NWD1: variants seen among roughly 807,000 people sequenced by gnomAD.
NWD1 encodes NACHT domain- and WD repeat-containing protein 1.
A neutral mutation model predicts 135.1 loss-of-function variants in NWD1; 129 were observed. The ratio of observed to expected loss-of-function variants is 0.96; its 90% CI spans 0.83 to 1.11. The LOEUF is 1.11. Ranked by LOEUF, NWD1 falls within the 50% of genes least tolerant of loss-of-function variation. The probability of loss-of-function intolerance (pLI) is 0.00; values close to 1 mark genes in which losing one functional copy is unlikely to be tolerated. For missense variants in NWD1, 1,740 were observed against 1,851.3 expected (o/e 0.94, Z 1.10); for synonymous variants, 773 against 786.0 (o/e 0.98, Z 0.28).
intron 2 of NWD1, among the ~76,000 whole-genome samples, chr19:16,729,444 C>T (rs1203878456): frequency 6.6e-6 from 1 of 152,004 alleles, no homozygotes; most frequent in African/African-American, 2.4e-5. Flanking sequence ...AGTGCAAACA[C>T]CCCGTCTTCA....
chr19:16,725,004 AT>A (rs1453675201), intron 2 of NWD1, among the ~76,000 whole-genome samples: 7 of 115,954 alleles, frequency 6.0e-5, no homozygotes, highest in African/African-American at 2.3e-4. Context: ...AAAAATTTTT[AT>A]TTATTTTTTA....
At chr19:16,751,800 C>G (rs187205813) in intron 6 of NWD1, among the ~76,000 whole-genome samples, 4 of 107,670 alleles carry the variant, frequency 3.7e-5, no homozygotes, top group African/African-American at 1.5e-4. Context: ...GACTCCATCT[C>G]AAAAAGAAAG....
chr19:16,778,500 T>C (rs796147074), intron 11 of NWD1, among the ~76,000 whole-genome samples: 2,770 of 140,586 alleles, frequency 0.02, 84 homozygotes, highest in African/African-American at 0.078. Flanking sequence ...TCTTCTTTTT[T>C]TTTTTTTTGT....
At chr19:16,754,099 A>T (rs1968686703) in intron 6 of NWD1, among the ~76,000 whole-genome samples, 1 of 147,494 alleles carries the variant, frequency 6.8e-6, no homozygotes. Context: ...TCTATCATCC[A>T]TCCATCTATT....
chr19:16,803,520 C>G (rs1041447264), intron 17 of NWD1, among the ~76,000 whole-genome samples: 1 of 151,998 alleles, frequency 6.6e-6, no homozygotes. Flanking sequence ...GGCCCAAGCT[C>G]CTGATACCAT....
At chr19:16,775,248 C>G (rs1969558130) in intron 11 of NWD1, among the ~76,000 whole-genome samples, 1 of 151,882 alleles carries the variant, frequency 6.6e-6, no homozygotes, top group East Asian at 1.9e-4. Context: ...AAGACTGAAG[C>G]TAGCTTAGTG....
intron 16 of NWD1, 143 bp downstream of exon 16, chr19:16,798,029 G>GGT: frequency 2.8e-6 from 2 of 718,662 alleles, no homozygotes; most frequent in Non-Finnish European, 4.7e-6. Context: ...AGGATATGGG[G>GGT]GTGTATCCTC....
Position 16,815,435 on chromosome 19 carries a change from C to T in NWD1, c.*396C>T. Reference sequence around the variant, plus strand: ...ATACGTTTGCTGGTGTATATCTGGACCCATGGCTTCAGATTATGGCTTCAG... The same window carrying T: ...ATACGTTTGCTGGTGTATATCTGGATCCATGGCTTCAGATTATGGCTTCAG... On this transcript the variant is annotated 3_prime_UTR_variant, in exon 19 of 19. Coordinates refer to ENST00000524140, the MANE Select transcript of NWD1 (RefSeq NM_001007525.5). 2 of 606,858 alleles carry T rather than the reference C, an allele frequency of 3.3e-6. No homozygotes were observed. The highest frequency in any genetic ancestry group is 1.9e-5 in the African/African-American group (1 of 54,014). 37.6% of individuals were successfully genotyped at this position (606,858 alleles called of 1,614,324 possible). A position where few individuals can be genotyped will look rare whatever the true frequency, so the allele number is the denominator to read the frequency against.
intron 2 of NWD1, among the ~76,000 whole-genome samples, chr19:16,728,384 A>G (rs1967413336): frequency 6.7e-6 from 1 of 148,560 alleles, no homozygotes; most frequent in Non-Finnish European, 1.5e-5. Context: ...TCCCAGGTTC[A>G]AGGGATTCTC....
chr19:16,753,144 G>T (rs1416294411), intron 6 of NWD1, among the ~76,000 whole-genome samples: 1 of 152,144 alleles, frequency 6.6e-6, no homozygotes, highest in African/African-American at 2.4e-5. Flanking sequence ...TTCTCCCTCT[G>T]GGGTCCTCTC....
Position 16,758,257 on chromosome 19 carries a change from T to G in NWD1, c.1770-968T>G, listed in dbSNP as rs563780091. 1.4e-4 allele frequency among the ~76,000 whole-genome samples: 22 copies of G among 152,186 alleles called. No individual in the cohort carries two copies. In the South Asian group the frequency reaches 3.7e-3, roughly 26 times the overall value. On this transcript the variant is annotated intron_variant, in intron 6 of 18. Coordinates refer to ENST00000524140, the MANE Select transcript of NWD1 (RefSeq NM_001007525.5). ...TAATTTTTAACCAGTTTAACTTTAT[T>G]TGTATTTATTTGTTCATGTATTTAT...
rs780003997 is a variant in NWD1, at chr19:16,765,141, G to A, written c.2359G>A (p.Val787Ile). 6.2e-7 allele frequency: 1 copy of A among 1,614,158 alleles called. No individual in the cohort carries two copies. Among genetic ancestry groups the A allele is most frequent in the South Asian group, 1.1e-5 (1 of 91,078 alleles). The change falls in exon 10 of 19, where the codon GTC (valine) becomes ATC (isoleucine). Residue 787 changes from valine to isoleucine, a missense_variant. Physicochemically the swap from Val to Ile is conservative, Grantham distance 29. Coordinates refer to ENST00000524140, the MANE Select transcript of NWD1 (RefSeq NM_001007525.5). The part of the protein sequence containing the change: ...PHLDSPEVGL[V>I]REALQLCRPA... Reference sequence around the variant, plus strand: ...CCTGGACTCCCCTGAGGTTGGCCTGGTCCGTGAAGCCCTCCAGCTCTGCCG... The same window carrying A: ...CCTGGACTCCCCTGAGGTTGGCCTGATCCGTGAAGCCCTCCAGCTCTGCCG...
At chr19:16,776,776 A>G (rs1361386021) in intron 11 of NWD1, among the ~76,000 whole-genome samples, 1 of 145,168 alleles carries the variant, frequency 6.9e-6, no homozygotes, top group Admixed American at 6.9e-5. Context: ...AAAAAGTTAA[A>G]AAAAAAAAAA....
At chr19:16,792,366 AC>A (rs1970276851) in intron 14 of NWD1, among the ~76,000 whole-genome samples, 1 of 151,654 alleles carries the variant, frequency 6.6e-6, no homozygotes, top group African/African-American at 2.4e-5. Context: ...ACATGGCAAA[AC>A]CCTGTCTTTA....
At chr19:16,802,463 T>TAAA (rs1165843521) in intron 17 of NWD1, among the ~76,000 whole-genome samples, 9 of 96,482 alleles carry the variant, frequency 9.3e-5, no homozygotes, top group African/African-American at 1.6e-4. Flanking sequence ...CTATCTCAAT[T>TAAA]AAAAAAAAAA....
intron 14 of NWD1, 88 bp from the exon 15 acceptor site, chr19:16,794,375 A>G (rs1970349143): frequency 2.6e-6 from 2 of 765,732 alleles, no homozygotes; most frequent in Non-Finnish European, 4.3e-6. Flanking sequence ...CAAAAACAAA[A>G]AAAATAAAAA....
Position 16,762,778 on chromosome 19 carries a change from C to T in NWD1, c.2133+640C>T, listed in dbSNP as rs138934598. ...TGGTGCTGCCTTTTCTTTTTCCCTC[C>T]CTCGCTTCCTTCCTTCCTTCCTTCC... is the stretch of plus-strand genomic sequence containing the variant. On this transcript the variant is annotated intron_variant, in intron 8 of 18. Coordinates refer to ENST00000524140, the MANE Select transcript of NWD1 (RefSeq NM_001007525.5). Among the ~76,000 whole-genome samples the T allele has an allele frequency of 4.9e-4, 74 of 151,518 alleles. 1 individual carries two copies. The East Asian group carries it at 0.014, about 28-fold the overall frequency.
intron 10 of NWD1, among the ~76,000 whole-genome samples, chr19:16,769,869 G>T (rs1340686437): frequency 6.6e-6 from 1 of 151,890 alleles, no homozygotes; most frequent in Non-Finnish European, 1.5e-5. Flanking sequence ...ACAAAGTCTT[G>T]CCCTGTTGTC....
At chr19:16,740,117 C>A (rs1186557647) in intron 4 of NWD1, among the ~76,000 whole-genome samples, 3 of 150,642 alleles carry the variant, frequency 2.0e-5, no homozygotes, top group African/African-American at 7.3e-5. Flanking sequence ...GGCAACGTAA[C>A]AAGGCCCCAT....
Sources: gnomAD v4.1 joint callset for allele counts (sites outside exome capture counted in the v4.1 genomes callset) on GRCh38, gnomAD v4.1.1 for gene constraint, MANE v1.5 for transcripts, NCBI Gene and HGNC (gene_info 2026-07-23, HGNC 2026-07-21) for gene names.